The following SUCLG2 variants were observed in gnomAD, a reference collection of about 807,000 sequenced individuals.
SUCLG2 encodes the protein succinate-CoA ligase GDP-forming subunit beta, also known as succinate--CoA ligase [GDP-forming] subunit beta, mitochondrial.
Under a neutral mutation model 47.9 loss-of-function variants are expected in SUCLG2, and 42 were observed. That is an observed-to-expected ratio of 0.88 (90% CI 0.69 to 1.14). SUCLG2 has a LOEUF of 1.14. Among genes scored for constraint, SUCLG2 ranks in the 50% most tolerant of loss-of-function variants. The pLI, the probability that SUCLG2 is intolerant of heterozygous loss-of-function variation, is 0.00. For synonymous variants in SUCLG2, 195 were observed against 197.3 expected (o/e 0.99, Z 0.10); for missense variants, 571 against 525.9 (o/e 1.09, Z -0.84).
At chr3:67,424,044 T>C (rs1378100966) in intron 9 of SUCLG2, among the ~76,000 whole-genome samples, 2 of 152,250 alleles carry the variant, frequency 1.3e-5, no homozygotes, top group East Asian at 1.9e-4. Context: ...TTGTTTTCTC[T>C]GTACTTGATC....
At chr3:67,512,405 T>C (rs1390691858) in intron 6 of SUCLG2, among the ~76,000 whole-genome samples, 1 of 151,088 alleles carries the variant, frequency 6.6e-6, no homozygotes, top group East Asian at 1.9e-4. Flanking sequence ...GACCTTGCAA[T>C]GTGAGTTGCA....
At position 67,482,024 on chromosome 3, in the gene SUCLG2, A is replaced by C. The variant is rs546806532; in HGVS notation, c.1062+13774T>G. Among the ~76,000 whole-genome samples, 3 of 152,310 alleles carry C rather than the reference A, an allele frequency of 2.0e-5. No homozygotes were observed. In the South Asian group the frequency reaches 6.2e-4, roughly 32 times the overall value. Reference sequence around the variant, plus strand: ...CGAAGCCCTGTGTCTACTAAAAAATACAAAAATTAGCTGGGCATGGTGGCA... The same window carrying C: ...CGAAGCCCTGTGTCTACTAAAAAATCCAAAAATTAGCTGGGCATGGTGGCA... On this transcript the variant is annotated intron_variant, in intron 9 of 10. Coordinates refer to ENST00000307227, the MANE Select transcript of SUCLG2 (RefSeq NM_003848.4).
chr3:67,366,942 A>G (rs1050948778), intron 10 of SUCLG2, among the ~76,000 whole-genome samples: 2 of 152,224 alleles, frequency 1.3e-5, no homozygotes, highest in African/African-American at 4.8e-5. Context: ...CATCACTGGA[A>G]CAAAATGTGG....
intron 10 of SUCLG2, among the ~76,000 whole-genome samples, chr3:67,364,145 T>C (rs1701845027): frequency 6.6e-6 from 1 of 152,192 alleles, no homozygotes; most frequent in South Asian, 2.1e-4. Context: ...CCAGCCCTAC[T>C]GAAGCCCATG....
chr3:67,400,674 T>C (rs754208187), intron 10 of SUCLG2, 57 bp downstream of exon 10: 1 of 1,594,688 alleles, frequency 6.3e-7, no homozygotes, highest in Non-Finnish European at 8.5e-7. Flanking sequence ...CAGAACATGC[T>C]GGTCACCTGA....
intron 2 of SUCLG2, among the ~76,000 whole-genome samples, chr3:67,545,039 C>T (rs4455335): frequency 0.027 from 4,160 of 152,200 alleles, 196 homozygotes; most frequent in African/African-American, 0.094. Flanking sequence ...GGTAAGCTAA[C>T]TCTCAGATAA....
intron 9 of SUCLG2, among the ~76,000 whole-genome samples, chr3:67,427,352 T>C (rs1293198686): frequency 6.6e-6 from 1 of 152,182 alleles, no homozygotes; most frequent in African/African-American, 2.4e-5. Context: ...TTATTGTTCA[T>C]AGACACAAAT....
In SUCLG2 at chr3:67,596,217, T is replaced by G. The variant is rs181994242; in HGVS notation, c.226+13238A>C. Among the ~76,000 whole-genome samples the G allele has an allele frequency of 1.8e-4, 27 of 152,272 alleles. 1 individual carries two copies. In the East Asian group the frequency reaches 3.3e-3, roughly 19 times the overall value. On this transcript the variant is annotated intron_variant, in intron 2 of 10. Transcript: ENST00000307227. ...TATCTCAGAAAGCAGCCTTCTACAC[T>G]TCCATCGGAAAACACCTCTCTCTTC...
intron 2 of SUCLG2, among the ~76,000 whole-genome samples, chr3:67,578,855 T>C (rs1707811085): frequency 6.6e-6 from 1 of 152,166 alleles, no homozygotes; most frequent in African/African-American, 2.4e-5. Flanking sequence ...GGACTGAACC[T>C]GGGCCTCAGA....
chr3:67,454,758 C>T (rs150247151), intron 9 of SUCLG2, among the ~76,000 whole-genome samples: 1 of 151,980 alleles, frequency 6.6e-6, no homozygotes, highest in Non-Finnish European at 1.5e-5. Flanking sequence ...GTCAGGAGAT[C>T]GAGACCATCC....
At chr3:67,396,640 G>C (rs1004369623) in intron 10 of SUCLG2, among the ~76,000 whole-genome samples, 7 of 152,006 alleles carry the variant, frequency 4.6e-5, no homozygotes, top group Non-Finnish European at 5.9e-5. Flanking sequence ...CTAATCAATA[G>C]AAAAAGAGGG....
At chr3:67,437,141 T>A (rs2106901238) in intron 9 of SUCLG2, among the ~76,000 whole-genome samples, 1 of 152,270 alleles carries the variant, frequency 6.6e-6, no homozygotes, top group South Asian at 2.1e-4. Context: ...AAAAAAATAC[T>A]GTGTGTAAAC....
chr3:67,440,583 C>G (rs1169245771), intron 9 of SUCLG2, among the ~76,000 whole-genome samples: 1 of 152,176 alleles, frequency 6.6e-6, no homozygotes, highest in Non-Finnish European at 1.5e-5. Flanking sequence ...TGAACAGACA[C>G]TTCTCAAAAG....
chr3:67,401,548 A>T (rs1702683226), intron 9 of SUCLG2, among the ~76,000 whole-genome samples: 2 of 149,894 alleles, frequency 1.3e-5, no homozygotes, highest in South Asian at 4.2e-4. Flanking sequence ...TTGTTTGTAC[A>T]TATTCCATAT....
chr3:67,489,150 A>T (rs1229147789), intron 9 of SUCLG2, among the ~76,000 whole-genome samples: 1 of 152,190 alleles, frequency 6.6e-6, no homozygotes, highest in Non-Finnish European at 1.5e-5. Flanking sequence ...AAATGCAGTC[A>T]CCAGGACCCA....
intron 10 of SUCLG2, among the ~76,000 whole-genome samples, chr3:67,387,092 A>T (rs1702275876): frequency 6.6e-6 from 1 of 152,246 alleles, no homozygotes; most frequent in South Asian, 2.1e-4. Context: ...AGAAATAATA[A>T]TCACAAAGGA....
intron 2 of SUCLG2, among the ~76,000 whole-genome samples, chr3:67,606,908 C>A (rs187872924): frequency 2.6e-5 from 4 of 152,290 alleles, no homozygotes; most frequent in African/African-American, 9.6e-5. Context: ...TACATTTCAA[C>A]TGACATAACA....
intron 9 of SUCLG2, among the ~76,000 whole-genome samples, chr3:67,472,135 A>T (rs1704620882): frequency 6.6e-6 from 1 of 152,236 alleles, no homozygotes; most frequent in Admixed American, 6.5e-5. Flanking sequence ...ATATAAAATG[A>T]GTCCAATAGG....
intron 2 of SUCLG2, among the ~76,000 whole-genome samples, chr3:67,553,099 T>A (rs1008314950): frequency 6.6e-6 from 1 of 152,178 alleles, no homozygotes. Flanking sequence ...AACCAAGAAG[T>A]GGATATGAAT....
Sources: allele counts gnomAD v4.1 joint callset (sites outside exome capture counted in the v4.1 genomes callset), GRCh38; gene constraint gnomAD v4.1.1; transcripts MANE v1.5; gene names NCBI Gene and HGNC (gene_info 2026-07-23, HGNC 2026-07-21).